Variants in NPAS3 observed in about 807,000 individuals in gnomAD.
NPAS3 encodes the protein neuronal PAS domain protein 3.
Under a neutral mutation model 73.1 loss-of-function variants are expected in NPAS3, and 14 were observed. The ratio of observed to expected loss-of-function variants is 0.19; its 90% CI spans 0.13 to 0.30. The LOEUF (loss-of-function observed/expected upper bound fraction) is 0.30, where lower values mean the gene tolerates loss of function less well. Ranked by LOEUF, NPAS3 falls within the 10% of genes least tolerant of loss-of-function variation. The pLI, the probability that NPAS3 is intolerant of heterozygous loss-of-function variation, is 1.00. For missense variants in NPAS3, 1,096 were observed against 1,250.0 expected, an observed-to-expected ratio of 0.88 and a Z score of 1.86; for synonymous variants, 620 against 541.5, an observed-to-expected ratio of 1.14 and a Z score of -2.01.
chr14:33,602,055 C>A (rs950606633), intron 5 of NPAS3, among the ~76,000 whole-genome samples: 6 of 152,164 alleles, frequency 3.9e-5, no homozygotes, highest in African/African-American at 1.4e-4. Flanking sequence ...GCCTGGAGGA[C>A]CCCCTGAGTT....
At chr14:33,412,497 A>G (rs1218448578) in intron 4 of NPAS3, among the ~76,000 whole-genome samples, 3 of 152,186 alleles carry the variant, frequency 2.0e-5, no homozygotes, top group East Asian at 1.9e-4. Flanking sequence ...TTCATCTGCA[A>G]TATTCCCTTT....
chr14:32,980,837 C>T (rs1376808865), intron 1 of NPAS3, among the ~76,000 whole-genome samples: 1 of 152,146 alleles, frequency 6.6e-6, no homozygotes, highest in Non-Finnish European at 1.5e-5. Context: ...TTGAAATAAA[C>T]TGATACTCTG....
intron 4 of NPAS3, among the ~76,000 whole-genome samples, chr14:33,513,533 C>G (rs1252135295): frequency 6.6e-6 from 1 of 151,964 alleles, no homozygotes; most frequent in African/African-American, 2.4e-5. Flanking sequence ...GTTATTATTT[C>G]CATCCTGTAA....
At chr14:32,996,321 A>C (rs2038569028) in intron 1 of NPAS3, among the ~76,000 whole-genome samples, 1 of 152,212 alleles carries the variant, frequency 6.6e-6, no homozygotes, top group Non-Finnish European at 1.5e-5. Context: ...CAACTGGATA[A>C]TGTGATAGAA....
Position 33,322,033 on chromosome 14 carries a change from G to T in NPAS3, c.386-45153G>T, listed in dbSNP as rs150357550. Reference sequence around the variant, plus strand: ...AGAAGGGAAGGGGCCTGTGCTGCCAGAGATGGGTTTGCTTTGCAGAGCAGT... The same window carrying T: ...AGAAGGGAAGGGGCCTGTGCTGCCATAGATGGGTTTGCTTTGCAGAGCAGT... On this transcript the variant is annotated intron_variant, in intron 3 of 11. Coordinates refer to ENST00000356141, the Ensembl canonical transcript of NPAS3. Among the ~76,000 whole-genome samples the T allele has an allele frequency of 7.9e-3, 1,208 of 152,286 alleles. 19 individuals are homozygous for T. The highest frequency in any genetic ancestry group is 0.026 in the African/African-American group (1,083 of 41,548).
chr14:33,070,293 T>C (rs1011921909), intron 2 of NPAS3, among the ~76,000 whole-genome samples: 1 of 152,154 alleles, frequency 6.6e-6, no homozygotes, highest in African/African-American at 2.4e-5. Flanking sequence ...TTTTCTTTCA[T>C]GTAGTTGTTG....
At chr14:33,293,503 T>G (rs576037711) in intron 3 of NPAS3, among the ~76,000 whole-genome samples, 12 of 152,216 alleles carry the variant, frequency 7.9e-5, no homozygotes, top group Admixed American at 2.0e-4. Flanking sequence ...TTGAGTGATT[T>G]CAAAAGAGGG....
chr14:33,197,992 G>C (rs1342116145), intron 2 of NPAS3, among the ~76,000 whole-genome samples: 1 of 152,170 alleles, frequency 6.6e-6, no homozygotes, highest in Non-Finnish European at 1.5e-5. Context: ...GGTCTCACTG[G>C]CTTCAGGAGT....
At chr14:33,354,697 T>C (rs954766707) in intron 3 of NPAS3, among the ~76,000 whole-genome samples, 1 of 152,170 alleles carries the variant, frequency 6.6e-6, no homozygotes, top group Non-Finnish European at 1.5e-5. Context: ...TTACTCAATG[T>C]CCTATCACAG....
intron 3 of NPAS3, among the ~76,000 whole-genome samples, chr14:33,358,528 G>A (rs1041120343): frequency 2.6e-5 from 4 of 152,102 alleles, no homozygotes; most frequent in East Asian, 1.9e-4. Context: ...CACTGTTCAC[G>A]TAACTTCACT....
intron 5 of NPAS3, among the ~76,000 whole-genome samples, chr14:33,617,531 CT>C (rs2057956474): frequency 1.3e-5 from 2 of 152,288 alleles, no homozygotes; most frequent in South Asian, 4.1e-4. Flanking sequence ...CACCTGTAAC[CT>C]TTGTTATATC....
Position 32,957,307 on chromosome 14 carries a change from ATT to A in NPAS3, c.50+17943_50+17944del, listed in dbSNP as rs532693965. Among the ~76,000 whole-genome samples, 130 of 151,652 alleles carry A rather than the reference ATT, an allele frequency of 8.6e-4. 1 individual carries two copies. The highest frequency in any genetic ancestry group is 2.9e-3 in the African/African-American group (122 of 41,380). ...CTTTATTAACTTTTTAAACATTTGA[ATT>A]TGTTAATTTGTAACTTATCTTTGAT... is the stretch of plus-strand genomic sequence containing the variant. On this transcript the variant is annotated intron_variant, in intron 1 of 11. Transcript: ENST00000356141.
At chr14:33,443,047 A>G (rs975147763) in intron 4 of NPAS3, among the ~76,000 whole-genome samples, 2 of 152,246 alleles carry the variant, frequency 1.3e-5, no homozygotes, top group African/African-American at 4.8e-5. Flanking sequence ...CAGGATAATT[A>G]CAGAGCAAAT....
intron 6 of NPAS3, among the ~76,000 whole-genome samples, chr14:33,690,888 AC>A (rs1322624419): frequency 1.1e-4 from 15 of 142,044 alleles, no homozygotes; most frequent in Non-Finnish European, 1.9e-4. Flanking sequence ...AAAAAAAAAA[AC>A]GATTCGTTAA....
chr14:33,750,613 A>C (rs2140757989), intron 7 of NPAS3, among the ~76,000 whole-genome samples: 1 of 141,142 alleles, frequency 7.1e-6, no homozygotes, highest in East Asian at 1.9e-4. Context: ...AGTGTAACCA[A>C]GAATGATCTA....
intron 3 of NPAS3, among the ~76,000 whole-genome samples, chr14:33,289,816 C>T (rs1006389831): frequency 5.1e-5 from 5 of 97,314 alleles, no homozygotes; most frequent in East Asian, 6.6e-4. Context: ...AGCAAGACTC[C>T]GTCTCAAAAA....
chr14:33,427,302 C>T (rs970096572), intron 4 of NPAS3, among the ~76,000 whole-genome samples: 7 of 151,910 alleles, frequency 4.6e-5, no homozygotes, highest in Admixed American at 1.3e-4. Context: ...AGCCTGTTCT[C>T]TCTGCCACCT....
intron 3 of NPAS3, among the ~76,000 whole-genome samples, chr14:33,218,380 T>C (rs2047301780): frequency 6.6e-6 from 1 of 152,206 alleles, no homozygotes; most frequent in African/African-American, 2.4e-5. Flanking sequence ...CTGTAAAATA[T>C]ATGTACATTT....
At chr14:33,595,064 A>G (rs1180227902) in intron 5 of NPAS3, among the ~76,000 whole-genome samples, 1 of 152,192 alleles carries the variant, frequency 6.6e-6, no homozygotes, top group East Asian at 1.9e-4. Flanking sequence ...AACTGATTAG[A>G]AGTTAAAATA....
Sources: gnomAD v4.1 joint callset for allele counts (sites outside exome capture counted in the v4.1 genomes callset) on GRCh38, gnomAD v4.1.1 for gene constraint, MANE v1.5 for transcripts, NCBI Gene and HGNC (gene_info 2026-07-23, HGNC 2026-07-21) for gene names.